Variants in SMCHD1 observed in about 807,000 individuals in gnomAD.
The protein encoded by SMCHD1 is structural maintenance of chromosomes flexible hinge domain-containing protein 1.
A neutral mutation model predicts 254.7 loss-of-function variants in SMCHD1; 78 were observed. The observed-to-expected ratio is 0.31, with a 90% CI of 0.26 to 0.37. The LOEUF is 0.37. SMCHD1 is among the 10% of genes least tolerant of loss of function. The pLI is 1.00. For missense variants in SMCHD1, 1,840 were observed against 2,408.1 expected (o/e 0.76, Z 4.94); for synonymous variants, 766 against 794.9 (o/e 0.96, Z 0.61).
chr18:2,677,827 C>T, intron 5 of SMCHD1, among the ~76,000 whole-genome samples: 1 of 152,130 alleles, frequency 6.6e-6, no homozygotes, highest in African/African-American at 2.4e-5. Context: ...CTATGTTGCC[C>T]AGGCTGGTCT....
chr18:2,680,468 T>C (rs1157610797), intron 5 of SMCHD1, among the ~76,000 whole-genome samples: 1 of 152,222 alleles, frequency 6.6e-6, no homozygotes, highest in Non-Finnish European at 1.5e-5. Context: ...CTTGAACCAC[T>C]AAGTCTCCCA....
chr18:2,765,950 G>A (rs968548391), intron 37 of SMCHD1, among the ~76,000 whole-genome samples: 3 of 151,348 alleles, frequency 2.0e-5, no homozygotes, highest in Non-Finnish European at 4.4e-5. Context: ...TCTAAAGAAA[G>A]TTTTCTAAAG....
chr18:2,729,709 CTT>C (rs72203094), intron 24 of SMCHD1, among the ~76,000 whole-genome samples: 4 of 140,422 alleles, frequency 2.8e-5, no homozygotes, highest in Admixed American at 1.4e-4. Flanking sequence ...TATTCTTTCG[CTT>C]TTTTTTTTTT....
chr18:2,697,811 T>C lies in SMCHD1; in HGVS notation c.1132-20T>C. ...AAGTTACCATAGAATTTAATTATTTTTGTTTCCTTTTTATTTTAGATTTCT... is the reference window on the plus strand; with the variant it reads ...AAGTTACCATAGAATTTAATTATTTCTGTTTCCTTTTTATTTTAGATTTCT... On this transcript the variant is annotated intron_variant, in intron 9 of 47. Coordinates refer to ENST00000320876, the MANE Select transcript of SMCHD1 (RefSeq NM_015295.3). The C allele has an allele frequency of 1.3e-6, 2 of 1,496,584 alleles. No homozygotes were observed. Among genetic ancestry groups the C allele is most frequent in the Non-Finnish European group, 1.9e-6 (2 of 1,077,970 alleles). 92.7% of individuals were successfully genotyped at this position (1,496,584 alleles called of 1,614,324 possible). A position where few individuals can be genotyped will look rare whatever the true frequency, so the allele number is the denominator to read the frequency against.
intron 28 of SMCHD1, among the ~76,000 whole-genome samples, chr18:2,741,186 A>T (rs2075343978): frequency 6.6e-6 from 1 of 152,222 alleles, no homozygotes; most frequent in Non-Finnish European, 1.5e-5. Flanking sequence ...TATTAACAGG[A>T]TGATGAGGAG....
At chr18:2,757,161 A>T (rs1341893864) in intron 34 of SMCHD1, among the ~76,000 whole-genome samples, 1 of 152,146 alleles carries the variant, frequency 6.6e-6, no homozygotes, top group Admixed American at 6.5e-5. Flanking sequence ...AATAGCATTC[A>T]CAAGTTTTAT....
intron 45 of SMCHD1, among the ~76,000 whole-genome samples, chr18:2,788,192 T>C (rs2076268728): frequency 6.6e-6 from 1 of 152,228 alleles, no homozygotes; most frequent in Non-Finnish European, 1.5e-5. Flanking sequence ...GCAAAGTATT[T>C]GTTTTCTAAA....
At chr18:2,722,715 A>T in intron 20 of SMCHD1, 52 bp downstream of exon 20, 1 of 1,486,614 alleles carries the variant, frequency 6.7e-7, no homozygotes, top group Non-Finnish European at 9.0e-7. Flanking sequence ...CTAAGCATTT[A>T]CTCTTTTTTT....
rs8099351 is a variant in SMCHD1, at chr18:2,787,410, G to A, written c.5719+2789G>A. Among the ~76,000 whole-genome samples, 1,338 of 152,272 alleles carry A rather than the reference G, an allele frequency of 8.8e-3. 22 individuals carry two copies. The highest frequency in any genetic ancestry group is 0.031 in the African/African-American group (1,270 of 41,530). ...ACCATAGCAGGTAATTTCCATTTGG[G>A]GCTATCAGTTCAGCCTCAGAAGTTT... On this transcript the variant is annotated intron_variant, in intron 45 of 47. Coordinates refer to ENST00000320876, the MANE Select transcript of SMCHD1 (RefSeq NM_015295.3).
At chr18:2,692,968 C>T (rs2074211156) in intron 7 of SMCHD1, among the ~76,000 whole-genome samples, 2 of 152,206 alleles carry the variant, frequency 1.3e-5, no homozygotes, top group African/African-American at 4.8e-5. Context: ...AATCTCCTGA[C>T]TCAAAGTATA....
At chr18:2,724,144 C>T (rs2074981553) in intron 20 of SMCHD1, among the ~76,000 whole-genome samples, 2 of 148,360 alleles carry the variant, frequency 1.3e-5, no homozygotes, top group African/African-American at 5.0e-5. Context: ...TCTTGTATGC[C>T]ACATTGCATC....
At chr18:2,719,921 A>G (rs2143384307) in intron 19 of SMCHD1, among the ~76,000 whole-genome samples, 1 of 152,142 alleles carries the variant, frequency 6.6e-6, no homozygotes, top group East Asian at 1.9e-4. Flanking sequence ...GTCATCCGCC[A>G]GCCTCGGCCT....
chr18:2,800,497 C>T (rs1350999475), intron 47 of SMCHD1: 1 of 152,096 alleles, frequency 6.6e-6, no homozygotes, highest in Non-Finnish European at 1.5e-5. Flanking sequence ...TTTAATTCAA[C>T]AATTTTTACT....
intron 8 of SMCHD1, 78 bp downstream of exon 8, chr18:2,694,771 C>A: frequency 8.0e-7 from 1 of 1,242,742 alleles, no homozygotes; most frequent in Non-Finnish European, 1.2e-6. Context: ...TATATTGAAG[C>A]CTCTTTGGTA....
rs372932820 is a variant in SMCHD1 at position 2,708,553 on chromosome 18, G to A, written c.2260+633G>A. On this transcript the variant is annotated intron_variant, in intron 17 of 47. Transcript: ENST00000320876. ...CTCTAAAAAATAAATAAATCACACA[G>A]AAGCACCACTCTCATTCCTTCATCT... Among the ~76,000 whole-genome samples the A allele has an allele frequency of 1.1e-4, 17 of 150,534 alleles. 1 individual carries two copies. The South Asian group carries it at 3.6e-3, about 32-fold the overall frequency.
chr18:2,688,589 A>C lies in SMCHD1; in HGVS notation c.754-39A>C, dbSNP rs370172035. 3.2e-6 allele frequency: 5 copies of C among 1,576,322 alleles called. No homozygotes were observed. In the African/African-American group the frequency reaches 6.8e-5, roughly 22 times the overall value. On this transcript the variant is annotated intron_variant, in intron 6 of 47. Transcript: ENST00000320876. ...TCTGTCTAAATGCATTAACCAGTTT[A>C]TTAGGAATTTAAAAAGTACTCTTTT... is the stretch of plus-strand genomic sequence containing the variant.
intron 39 of SMCHD1, among the ~76,000 whole-genome samples, chr18:2,770,626 T>A (rs1046940823): frequency 1.3e-5 from 2 of 151,928 alleles, no homozygotes; most frequent in African/African-American, 4.8e-5. Flanking sequence ...TTTTGTTTTC[T>A]GTTTTTTGTT....
chr18:2,761,955 A>T (rs9954465), intron 35 of SMCHD1, 150 bp from the exon 36 acceptor site: 1 of 644,232 alleles, frequency 1.6e-6, no homozygotes, highest in Non-Finnish European at 2.4e-6. Context: ...TTTAAAAGCA[A>T]ATTGATTACT....
chr18:2,769,847 A>C, intron 38 of SMCHD1, 27 bp downstream of exon 38: 1 of 1,585,348 alleles, frequency 6.3e-7, no homozygotes, highest in Non-Finnish European at 8.6e-7. Context: ...TAAATGGTTA[A>C]ACTCCGTTGT....
Sources: gnomAD v4.1 joint callset for allele counts (sites outside exome capture counted in the v4.1 genomes callset) on GRCh38, gnomAD v4.1.1 for gene constraint, MANE v1.5 for transcripts, NCBI Gene and HGNC (gene_info 2026-07-23, HGNC 2026-07-21) for gene names.